The following DPF3 variants were observed in gnomAD, a reference collection of about 807,000 sequenced individuals.
DPF3 encodes zinc finger protein DPF3.
A neutral mutation model predicts 56.8 loss-of-function variants in DPF3; 18 were observed. The observed-to-expected ratio is 0.32, with a 90% CI of 0.22 to 0.47. The LOEUF is 0.47. DPF3 is among the 20% of genes least tolerant of loss of function. The pLI, the probability that DPF3 is intolerant of heterozygous loss-of-function variation, is 1.00. For missense variants in DPF3, 403 were observed against 488.8 expected, an observed-to-expected ratio of 0.82 and a Z score of 1.65; for synonymous variants, 188 against 180.2, an observed-to-expected ratio of 1.04 and a Z score of -0.35.
intron 3 of DPF3, among the ~76,000 whole-genome samples, chr14:72,732,875 CTCTT>C (rs551662646): frequency 4.9e-4 from 74 of 151,038 alleles, no homozygotes; most frequent in East Asian, 4.9e-3. Flanking sequence ...TTTCCATTCT[CTCTT>C]TCTTTCTTTC....
chr14:72,795,071 C>G (rs968631224), intron 1 of DPF3, among the ~76,000 whole-genome samples: 4 of 152,036 alleles, frequency 2.6e-5, no homozygotes, highest in African/African-American at 9.7e-5. Flanking sequence ...TGCAAAATCC[C>G]TCATACCATG....
At chr14:72,689,728 C>T (rs1160530203) in intron 7 of DPF3, among the ~76,000 whole-genome samples, 1 of 152,102 alleles carries the variant, frequency 6.6e-6, no homozygotes, top group Non-Finnish European at 1.5e-5. Flanking sequence ...ACATTCGGGG[C>T]GGCGAGCAAG....
At chr14:72,637,388 G>A (rs931507662) in intron 8 of DPF3, among the ~76,000 whole-genome samples, 5 of 152,238 alleles carry the variant, frequency 3.3e-5, no homozygotes, top group African/African-American at 1.2e-4. Context: ...TACGTTGAGA[G>A]TCATAGTAAT....
intron 5 of DPF3, among the ~76,000 whole-genome samples, chr14:72,720,886 T>A (rs192990722): frequency 0.013 from 2,028 of 152,124 alleles, 31 homozygotes; most frequent in South Asian, 0.052. Flanking sequence ...ACATTTTTTT[T>A]AAAAAAATAG....
At chr14:72,693,745 G>A (rs1887796966) in intron 6 of DPF3, among the ~76,000 whole-genome samples, 1 of 152,202 alleles carries the variant, frequency 6.6e-6, no homozygotes, top group Non-Finnish European at 1.5e-5. Context: ...CACAACTAGT[G>A]TGGCAGAGCC....
At chr14:72,875,250 T>C (rs1181678701) in intron 1 of DPF3, among the ~76,000 whole-genome samples, 2 of 151,998 alleles carry the variant, frequency 1.3e-5, no homozygotes, top group Admixed American at 6.6e-5. Flanking sequence ...CTACTAAAAA[T>C]ACAAAAATTA....
intron 3 of DPF3, among the ~76,000 whole-genome samples, chr14:72,732,207 C>T (rs117120638): frequency 0.032 from 4,876 of 152,326 alleles, 177 homozygotes; most frequent in Admixed American, 0.086. Flanking sequence ...CACGGCCATG[C>T]TTCTGCCTCT....
At chr14:72,855,225 T>G (rs1175879177) in intron 1 of DPF3, among the ~76,000 whole-genome samples, 1 of 152,226 alleles carries the variant, frequency 6.6e-6, no homozygotes. Context: ...TCTACATTTT[T>G]ATCTGTGAGA....
At chr14:72,842,997 C>T (rs972689825) in intron 1 of DPF3, among the ~76,000 whole-genome samples, 54 of 151,864 alleles carry the variant, frequency 3.6e-4, no homozygotes, top group African/African-American at 8.2e-4. Context: ...CACTCCAACC[C>T]GGGTGACAGT....
At chr14:72,767,698 G>T (rs1236652833) in intron 2 of DPF3, among the ~76,000 whole-genome samples, 2 of 129,536 alleles carry the variant, frequency 1.5e-5, no homozygotes, top group South Asian at 5.2e-4. Context: ...AAGGAGAGGG[G>T]AAAGAGGGTT....
chr14:72,797,145 C>T lies in DPF3; in HGVS notation c.33-25252G>A, dbSNP rs188818226. On this transcript the variant is annotated intron_variant, in intron 1 of 10. Transcript: ENST00000556509. The stretch of plus-strand genomic sequence containing the variant: ...CCTTGCAAGCTTCCCTTCTGCTCTC[C>T]GGGAACCCTGCCTAGTTGCTTAGCA... Among the ~76,000 whole-genome samples, 170 of 152,290 alleles carry T rather than the reference C, an allele frequency of 1.1e-3. 2 individuals carry two copies. The highest frequency in any genetic ancestry group is 3.4e-3 in the Middle Eastern group (1 of 294).
intron 1 of DPF3, among the ~76,000 whole-genome samples, chr14:72,882,608 A>AC (rs2140125938): frequency 6.6e-6 from 1 of 152,308 alleles, no homozygotes; most frequent in African/African-American, 2.4e-5. Flanking sequence ...GCCGCCTGTT[A>AC]ATTTTTCTTG....
chr14:72,757,067 G>GAGGAAGGAAGGAAGGA (rs112770433), intron 2 of DPF3, among the ~76,000 whole-genome samples: 1 of 114,984 alleles, frequency 8.7e-6, no homozygotes, highest in African/African-American at 3.8e-5. Context: ...GAAAGGGGGA[G>GAGGAAGGAAGGAAGGA]AGGAAGGAAG....
chr14:72,730,856 A>G (rs1236261956), intron 4 of DPF3, among the ~76,000 whole-genome samples: 1 of 152,170 alleles, frequency 6.6e-6, no homozygotes, highest in Non-Finnish European at 1.5e-5. Flanking sequence ...AGGATTCCAG[A>G]CAAATAACAA....
At chr14:72,711,934 T>C (rs1888670259) in intron 6 of DPF3, among the ~76,000 whole-genome samples, 1 of 149,554 alleles carries the variant, frequency 6.7e-6, no homozygotes, top group South Asian at 2.1e-4. Context: ...GTGGTGGGGG[T>C]GGGCCTTGTG....
intron 1 of DPF3, among the ~76,000 whole-genome samples, chr14:72,859,756 C>G (rs747104211): frequency 6.6e-6 from 1 of 152,108 alleles, no homozygotes; most frequent in African/African-American, 2.4e-5. Flanking sequence ...AAATTGCTAC[C>G]TTCACAGAGT....
Position 72,820,241 on chromosome 14 carries a change from C to A in DPF3, c.33-48348G>T, listed in dbSNP as rs190771482. Among the ~76,000 whole-genome samples, 11 of 152,108 alleles carry A rather than the reference C, an allele frequency of 7.2e-5. No homozygotes were observed. In the East Asian group the frequency reaches 2.1e-3, roughly 29 times the overall value. On this transcript the variant is annotated intron_variant, in intron 1 of 10. Coordinates refer to ENST00000556509, the MANE Select transcript of DPF3 (RefSeq NM_001280542.3). ...GCCACATGTATGACAAATTAATATT[C>A]TTAATATACAAAATGTCATGCAAAT...
At chr14:72,851,896 T>C (rs981450934) in intron 1 of DPF3, among the ~76,000 whole-genome samples, 9 of 152,242 alleles carry the variant, frequency 5.9e-5, no homozygotes, top group Admixed American at 5.9e-4. Flanking sequence ...CGCCACCAGC[T>C]GGAACCATGG....
At chr14:72,707,630 C>A (rs10150218) in intron 6 of DPF3, among the ~76,000 whole-genome samples, 54,351 of 151,860 alleles carry the variant, frequency 0.36, 11,102 homozygotes, top group East Asian at 0.76. Context: ...AGTGGGGCAG[C>A]GGGGCGTTAA....
Sources: allele counts gnomAD v4.1 joint callset (sites outside exome capture counted in the v4.1 genomes callset), GRCh38; gene constraint gnomAD v4.1.1; transcripts MANE v1.5; gene names NCBI Gene and HGNC (gene_info 2026-07-23, HGNC 2026-07-21).